Variants in CMTM4 observed in about 807,000 individuals in gnomAD.
CMTM4 encodes CKLF like MARVEL transmembrane domain containing 4.
In CMTM4, 8 loss-of-function variants were observed where a neutral mutation model predicts 19.0. The ratio of observed to expected loss-of-function variants is 0.42; its 90% CI spans 0.25 to 0.76. The LOEUF (loss-of-function observed/expected upper bound fraction) is 0.76. CMTM4 is among the 30% of genes least tolerant of loss of function. The pLI is 0.27. For missense variants in CMTM4, 228 were observed against 290.2 expected, an observed-to-expected ratio of 0.79 and a Z score of 1.56; for synonymous variants, 106 against 121.1, an observed-to-expected ratio of 0.88 and a Z score of 0.82.
chr16:66,639,630 T>C (rs2016063072), intron 1 of CMTM4, among the ~76,000 whole-genome samples: 1 of 151,914 alleles, frequency 6.6e-6, no homozygotes, highest in Non-Finnish European at 1.5e-5. Flanking sequence ...CCTTTGGGAG[T>C]ACAGCACTTC....
intron 1 of CMTM4, among the ~76,000 whole-genome samples, chr16:66,660,058 G>C (rs981496076): frequency 1.3e-5 from 2 of 152,202 alleles, no homozygotes; most frequent in African/African-American, 4.8e-5. Context: ...CACATGAAAA[G>C]ATCCTTAACA....
the CMTM4 span, chr16:66,609,457 C>T: frequency 2.0e-5 from 32 of 1,612,870 alleles, no homozygotes; most frequent in African/African-American, 3.2e-4. This position sits in a 1 kb window ranked among gnomAD's most constrained non-coding sequence, Gnocchi z 4.4. Flanking sequence ...TGTGTCACCG[C>T]GGCCCTCATC....
At chr16:66,668,303 C>T (rs913224501) in intron 1 of CMTM4, among the ~76,000 whole-genome samples, 2 of 152,052 alleles carry the variant, frequency 1.3e-5, no homozygotes, top group African/African-American at 2.4e-5. Context: ...ACCACCATGC[C>T]CAGCCCCATT....
At chr16:66,666,221 G>A (rs1360449006) in intron 1 of CMTM4, among the ~76,000 whole-genome samples, 3 of 152,174 alleles carry the variant, frequency 2.0e-5, no homozygotes, top group South Asian at 2.1e-4. Flanking sequence ...GGGAGGCCGA[G>A]GCAGGCGGAT....
chr16:66,646,577 T>C (rs901799457), intron 1 of CMTM4, among the ~76,000 whole-genome samples: 2 of 152,102 alleles, frequency 1.3e-5, no homozygotes, highest in African/African-American at 4.8e-5. Flanking sequence ...ACAAAGAGTA[T>C]ATGTGTTTTT....
chr16:66,686,061 C>T (rs1221807227), intron 1 of CMTM4, among the ~76,000 whole-genome samples: 3 of 152,018 alleles, frequency 2.0e-5, no homozygotes, highest in African/African-American at 4.8e-5. Context: ...AAGACCATCC[C>T]GGCCAACATG....
chr16:66,599,385 ATT>A, the CMTM4 span, among the ~76,000 whole-genome samples: 2 of 152,226 alleles, frequency 1.3e-5, no homozygotes, highest in Admixed American at 6.5e-5. Context: ...TTAAAAATGA[ATT>A]TTGTTTCTCA....
chr16:66,612,418 G>C (rs1303616976), downstream of CMTM4, among the ~76,000 whole-genome samples: 1 of 152,110 alleles, frequency 6.6e-6, no homozygotes, highest in African/African-American at 2.4e-5. This position sits in a 1 kb window ranked among gnomAD's most constrained non-coding sequence, Gnocchi z 6.0. Flanking sequence ...AGAGAAAGTG[G>C]CTGCTGCCTG....
intron 1 of CMTM4, among the ~76,000 whole-genome samples, chr16:66,659,471 A>C (rs1489735988): frequency 6.6e-6 from 1 of 152,144 alleles, no homozygotes; most frequent in East Asian, 1.9e-4. Context: ...CAAACAAATG[A>C]CATAAAGGGA....
chr16:66,619,440 G>A lies in CMTM4; in HGVS notation c.*2618C>T. 1.0e-6 allele frequency: 1 copy of A among 985,374 alleles called. No homozygotes were observed. Among genetic ancestry groups the A allele is most frequent in the Non-Finnish European group, 1.2e-6 (1 of 829,930 alleles). The allele number at this position is 985,374 out of a possible 1,614,324, so 61.0% of individuals were successfully genotyped here. ...ACCAATATCGTCCCACCAGAACACT[G>A]AGAAAAACTAAGGTCGCTCAGCCTT... On this transcript the variant is annotated 3_prime_UTR_variant, in exon 4 of 4. Coordinates refer to ENST00000394106, the MANE Select transcript of CMTM4 (RefSeq NM_181521.3).
At chr16:66,653,560 CA>C (rs2144845284) in intron 1 of CMTM4, among the ~76,000 whole-genome samples, 1 of 152,314 alleles carries the variant, frequency 6.6e-6, no homozygotes, top group South Asian at 2.1e-4. Flanking sequence ...TCCCCAGCTC[CA>C]GAGACAGTGA....
intron 1 of CMTM4, among the ~76,000 whole-genome samples, chr16:66,692,906 C>CAAA (rs200187109): frequency 4.1e-4 from 47 of 114,170 alleles, no homozygotes; most frequent in African/African-American, 1.5e-3. Context: ...GACTCCATCT[C>CAAA]AAAAAAAAAA....
intron 1 of CMTM4, among the ~76,000 whole-genome samples, chr16:66,690,172 T>C (rs957609213): frequency 1.2e-4 from 19 of 152,328 alleles, no homozygotes; most frequent in African/African-American, 3.1e-4. Flanking sequence ...GAATCCAACA[T>C]AGAGAAACCC....
chr16:66,684,666 A>C (rs2017001592), intron 1 of CMTM4, among the ~76,000 whole-genome samples: 1 of 152,214 alleles, frequency 6.6e-6, no homozygotes, highest in South Asian at 2.1e-4. Context: ...TCCCCCATCA[A>C]GAAGTTAAAC....
At chr16:66,630,670 C>T (rs1457990571) in intron 2 of CMTM4, among the ~76,000 whole-genome samples, 4 of 151,998 alleles carry the variant, frequency 2.6e-5, no homozygotes, top group East Asian at 1.9e-4. Context: ...AGTGCAGTGG[C>T]GTGATCTCGG....
intron 1 of CMTM4, among the ~76,000 whole-genome samples, chr16:66,654,969 T>C (rs1423657367): frequency 6.6e-6 from 1 of 152,126 alleles, no homozygotes; most frequent in Non-Finnish European, 1.5e-5. Context: ...ATGTAGAATG[T>C]ACCCGAATTT....
rs1368069037 is a variant in CMTM4, at chr16:66,696,675, C to T, written c.-150G>A. On this transcript the variant is annotated 5_prime_UTR_variant, in exon 1 of 4. Coordinates refer to ENST00000394106, the MANE Select transcript of CMTM4 (RefSeq NM_181521.3). This position sits in a 1 kb window ranked among gnomAD's most constrained non-coding sequence, Gnocchi z 4.3. The stretch of plus-strand genomic sequence containing the variant: ...CCGCCCGCCGCCGCCGCCTCTCGCC[C>T]GCCGCCCGGCTGCGGCTGCGGCTCG... 1.2e-5 allele frequency: 3 copies of T among 242,962 alleles called. No individual in the cohort carries two copies. Among genetic ancestry groups the T allele is most frequent in the African/African-American group, 2.3e-5 (1 of 42,596 alleles). The allele number at this position is 242,962 out of a possible 1,614,324, so 15.1% of individuals were successfully genotyped here. A position where few individuals can be genotyped will look rare whatever the true frequency, so the allele number is the denominator to read the frequency against.
At chr16:66,600,136 G>GTGTTTT in the CMTM4 span, among the ~76,000 whole-genome samples, 3 of 135,154 alleles carry the variant, frequency 2.2e-5, no homozygotes, top group African/African-American at 8.7e-5. Context: ...GTGTGTGTGT[G>GTGTTTT]TTTTTTTTTG....
chr16:66,671,522 G>C (rs984605722), intron 1 of CMTM4, among the ~76,000 whole-genome samples: 1 of 152,156 alleles, frequency 6.6e-6, no homozygotes, highest in East Asian at 1.9e-4. Flanking sequence ...ATCCCTTCTA[G>C]AACTAACCAT....
Sources: allele counts gnomAD v4.1 joint callset (sites outside exome capture counted in the v4.1 genomes callset), GRCh38; gene constraint gnomAD v4.1.1; non-coding constraint Gnocchi (gnomAD v3.1); transcripts MANE v1.5; gene names NCBI Gene and HGNC (gene_info 2026-07-23, HGNC 2026-07-21).